HOMER1: variants seen among roughly 807,000 people sequenced by gnomAD.
HOMER1 encodes the protein homer protein homolog 1.
A neutral mutation model predicts 48.9 loss-of-function variants in HOMER1; 3 were observed. That is an observed-to-expected ratio of 0.06 (90% CI 0.03 to 0.16). The LOEUF is 0.16. HOMER1 is among the 10% of genes least tolerant of loss of function. HOMER1 has a pLI of 1.00. For missense variants in HOMER1, 247 were observed against 411.4 expected (o/e 0.60, Z 3.46); for synonymous variants, 134 against 146.4 (o/e 0.92, Z 0.61).
At chr5:79,418,517 A>G (rs1353181115) in intron 5 of HOMER1, among the ~76,000 whole-genome samples, 1 of 152,208 alleles carries the variant, frequency 6.6e-6, no homozygotes, top group Non-Finnish European at 1.5e-5. Context: ...TTTCCAGTAC[A>G]GTGACAGTCT....
At chr5:79,481,596 T>G (rs1751948632) in intron 1 of HOMER1, among the ~76,000 whole-genome samples, 1 of 152,178 alleles carries the variant, frequency 6.6e-6, no homozygotes, top group South Asian at 2.1e-4. Flanking sequence ...AGAGGATTCC[T>G]CTCATGTTTT....
At chr5:79,506,871 A>G (rs1032927993) in intron 1 of HOMER1, among the ~76,000 whole-genome samples, 2 of 151,110 alleles carry the variant, frequency 1.3e-5, no homozygotes, top group Non-Finnish European at 2.9e-5. Flanking sequence ...TATATATATG[A>G]TTTTATTCAC....
At chr5:79,426,746 T>C (rs1345643402) in intron 5 of HOMER1, among the ~76,000 whole-genome samples, 7 of 152,078 alleles carry the variant, frequency 4.6e-5, no homozygotes, top group East Asian at 1.9e-4. Context: ...AAGGCAACTA[T>C]AGTTAACAAT....
At chr5:79,478,823 G>A (rs1751864774) in intron 1 of HOMER1, among the ~76,000 whole-genome samples, 1 of 152,090 alleles carries the variant, frequency 6.6e-6, no homozygotes, top group African/African-American at 2.4e-5. Flanking sequence ...ATGATGGTGG[G>A]TGCCTGTAAT....
At chr5:79,391,339 A>C (rs189872058) in intron 8 of HOMER1, among the ~76,000 whole-genome samples, 102 of 152,102 alleles carry the variant, frequency 6.7e-4, no homozygotes, top group Non-Finnish European at 1.1e-3. Flanking sequence ...CATGTTGTCC[A>C]GTCTGGTCTC....
chr5:79,486,624 G>C (rs972085633), intron 1 of HOMER1, among the ~76,000 whole-genome samples: 10 of 152,168 alleles, frequency 6.6e-5, no homozygotes, highest in Non-Finnish European at 1.2e-4. Flanking sequence ...TGGAGGGACA[G>C]AGCAGTTTAG....
At chr5:79,406,221 TTCATATTTG>T (rs965145565) in intron 5 of HOMER1, among the ~76,000 whole-genome samples, 1 of 152,186 alleles carries the variant, frequency 6.6e-6, no homozygotes, top group African/African-American at 2.4e-5. Flanking sequence ...ATCCAGTATT[TTCATATTTG>T]GTTGGTATTT....
intron 5 of HOMER1, among the ~76,000 whole-genome samples, chr5:79,417,007 T>C (rs1056459131): frequency 6.6e-6 from 1 of 152,154 alleles, no homozygotes; most frequent in Non-Finnish European, 1.5e-5. Context: ...TAAAAAGCTA[T>C]TCAGTGGACC....
chr5:79,392,188 G>A (rs930982138), intron 8 of HOMER1, among the ~76,000 whole-genome samples: 4 of 152,128 alleles, frequency 2.6e-5, no homozygotes, highest in East Asian at 3.9e-4. Context: ...AGTTATTTTA[G>A]AGTGTACTCC....
intron 1 of HOMER1, among the ~76,000 whole-genome samples, chr5:79,478,719 A>G (rs1482499417): frequency 6.6e-6 from 1 of 152,182 alleles, no homozygotes; most frequent in Non-Finnish European, 1.5e-5. Context: ...TGGGAAGCTG[A>G]GGCGGGCGGA....
rs80129641 is a variant in HOMER1 at position 79,461,012 on chromosome 5, G to A, written c.6-3994C>T. ...TTTGAAGGAGTTCAGATGCCTACAG[G>A]GTTTGGATGTAGAACTCTTGGGCCA... On this transcript the variant is annotated intron_variant, in intron 1 of 8. Coordinates refer to ENST00000334082, the MANE Select transcript of HOMER1 (RefSeq NM_004272.5). Among the ~76,000 whole-genome samples, 1,263 of 152,218 alleles carry A rather than the reference G, an allele frequency of 8.3e-3. 15 individuals carry two copies. The highest frequency in any genetic ancestry group is 0.027 in the African/African-American group (1,132 of 41,540).
intron 1 of HOMER1, among the ~76,000 whole-genome samples, chr5:79,473,482 G>C (rs1751677271): frequency 6.6e-6 from 1 of 152,090 alleles, no homozygotes; most frequent in Non-Finnish European, 1.5e-5. Flanking sequence ...ATATTCAAAT[G>C]GATTATATTA....
At chr5:79,503,671 T>C (rs1752669703) in intron 1 of HOMER1, among the ~76,000 whole-genome samples, 1 of 149,108 alleles carries the variant, frequency 6.7e-6, no homozygotes, top group Non-Finnish European at 1.5e-5. Context: ...CAAAACCCCG[T>C]CTCTATTAAA....
At chr5:79,503,091 T>C (rs1364224447) in intron 1 of HOMER1, among the ~76,000 whole-genome samples, 1 of 152,116 alleles carries the variant, frequency 6.6e-6, no homozygotes, top group Non-Finnish European at 1.5e-5. Context: ...CCAGCCTGCA[T>C]GTAACTTTTA....
intron 5 of HOMER1, among the ~76,000 whole-genome samples, chr5:79,422,827 C>CT (rs556704839): frequency 0.016 from 1,957 of 121,500 alleles, 16 homozygotes; most frequent in African/African-American, 0.029. Flanking sequence ...AAGATGATCT[C>CT]TTTTTTTTTT....
chr5:79,486,582 C>A (rs1401126792), intron 1 of HOMER1, among the ~76,000 whole-genome samples: 2 of 152,106 alleles, frequency 1.3e-5, no homozygotes, highest in Admixed American at 6.5e-5. Flanking sequence ...TTGGTAAATA[C>A]TATTAGAACA....
At chr5:79,392,440 AG>A (rs1749276527) in intron 8 of HOMER1, among the ~76,000 whole-genome samples, 1 of 152,240 alleles carries the variant, frequency 6.6e-6, no homozygotes, top group African/African-American at 2.4e-5. Flanking sequence ...AAGTTTAAAA[AG>A]TTTTAAAAAC....
chr5:79,452,041 A>G (rs966413376), intron 2 of HOMER1, among the ~76,000 whole-genome samples: 3 of 152,144 alleles, frequency 2.0e-5, no homozygotes, highest in Admixed American at 1.3e-4. Flanking sequence ...CGGGACCCCT[A>G]TGTATACTAA....
At chr5:79,395,246 G>A (rs565442397) in intron 8 of HOMER1, among the ~76,000 whole-genome samples, 7 of 152,068 alleles carry the variant, frequency 4.6e-5, no homozygotes, top group Non-Finnish European at 7.4e-5. Context: ...CAAAACAAAC[G>A]AAAGACAAAA....
Sources: allele counts gnomAD v4.1 joint callset (sites outside exome capture counted in the v4.1 genomes callset), GRCh38; gene constraint gnomAD v4.1.1; transcripts MANE v1.5; gene names NCBI Gene and HGNC (gene_info 2026-07-23, HGNC 2026-07-21).